Variants in SPAG16 observed in about 807,000 individuals in gnomAD.
SPAG16 encodes sperm associated antigen 16, also known as sperm-associated antigen 16 protein.
A neutral mutation model predicts 80.4 loss-of-function variants in SPAG16; 86 were observed. The ratio of observed to expected loss-of-function variants is 1.07; its 90% CI spans 0.90 to 1.28. The LOEUF is 1.28. Among genes scored for constraint, SPAG16 ranks in the 50% most tolerant of loss-of-function variants. SPAG16 has a pLI of 0.00. For missense variants in SPAG16, 870 were observed against 765.3 expected (o/e 1.14, Z -1.61); for synonymous variants, 294 against 265.9 (o/e 1.11, Z -1.03).
intron 11 of SPAG16, among the ~76,000 whole-genome samples, chr2:213,886,690 GA>G (rs1174007194): frequency 6.6e-6 from 1 of 151,606 alleles, no homozygotes; most frequent in Non-Finnish European, 1.5e-5. Context: ...GCAACAAGTA[GA>G]TCTCAAATGT....
intron 5 of SPAG16, among the ~76,000 whole-genome samples, chr2:213,335,555 T>G (rs1365820003): frequency 2.0e-5 from 3 of 148,966 alleles, no homozygotes; most frequent in African/African-American, 7.3e-5. Context: ...ATTTCTCAAT[T>G]TATGTTGTCA....
intron 10 of SPAG16, among the ~76,000 whole-genome samples, chr2:213,807,885 C>A (rs1256813756): frequency 1.3e-5 from 2 of 152,178 alleles, no homozygotes; most frequent in Non-Finnish European, 2.9e-5. Context: ...TACTGAAAGA[C>A]CTGTCAACTT....
intron 8 of SPAG16, among the ~76,000 whole-genome samples, chr2:213,372,112 C>T (rs1460276986): frequency 6.7e-6 from 1 of 149,680 alleles, no homozygotes; most frequent in African/African-American, 2.4e-5. Context: ...TTTAGTATTA[C>T]ATATTATGAG....
chr2:214,066,726 GA>G (rs1173487202), intron 13 of SPAG16, among the ~76,000 whole-genome samples: 2 of 151,588 alleles, frequency 1.3e-5, no homozygotes, highest in Admixed American at 6.6e-5. Context: ...AGATAGCAAA[GA>G]AAAAAACATA....
At chr2:214,256,037 C>T (rs1021714744) in intron 15 of SPAG16, among the ~76,000 whole-genome samples, 1 of 151,886 alleles carries the variant, frequency 6.6e-6, no homozygotes, top group Non-Finnish European at 1.5e-5. Flanking sequence ...TAACTTTTCT[C>T]ATAATAAGGA....
intron 13 of SPAG16, among the ~76,000 whole-genome samples, chr2:214,015,784 G>T (rs955844134): frequency 6.6e-6 from 1 of 152,092 alleles, no homozygotes; most frequent in Non-Finnish European, 1.5e-5. Flanking sequence ...GTTCCATTCA[G>T]TTGGCTGGGG....
intron 12 of SPAG16, among the ~76,000 whole-genome samples, chr2:213,948,690 T>C (rs2079575042): frequency 6.6e-6 from 1 of 152,204 alleles, no homozygotes; most frequent in Non-Finnish European, 1.5e-5. Context: ...GTCTCTCTCT[T>C]TTAAATTACT....
intron 9 of SPAG16, among the ~76,000 whole-genome samples, chr2:213,379,895 G>A (rs559762757): frequency 6.6e-6 from 1 of 152,176 alleles, no homozygotes; most frequent in African/African-American, 2.4e-5. Flanking sequence ...GACAGGGGTG[G>A]CTGGGGAAAG....
chr2:213,671,739 G>A (rs1431682100), intron 10 of SPAG16, among the ~76,000 whole-genome samples: 2 of 152,114 alleles, frequency 1.3e-5, no homozygotes, highest in Admixed American at 1.3e-4. Context: ...TTATGGCCAG[G>A]GTGCTGCAGG....
chr2:213,619,527 A>G (rs995310754), intron 10 of SPAG16, among the ~76,000 whole-genome samples: 2 of 152,222 alleles, frequency 1.3e-5, no homozygotes, highest in Non-Finnish European at 2.9e-5. Flanking sequence ...ACATTCCTCA[A>G]AAGAAGATAT....
At chr2:213,405,778 T>G (rs532920726) in intron 9 of SPAG16, among the ~76,000 whole-genome samples, 2 of 152,334 alleles carry the variant, frequency 1.3e-5, no homozygotes, top group East Asian at 3.9e-4. Flanking sequence ...GTCCTCCAAT[T>G]CCATCCCTGT....
chr2:214,026,137 C>G (rs137881683), intron 13 of SPAG16, among the ~76,000 whole-genome samples: 1,631 of 151,536 alleles, frequency 0.011, 34 homozygotes, highest in African/African-American at 0.037. Context: ...GAAAAGCTAA[C>G]AGCAAACCAT....
intron 15 of SPAG16, among the ~76,000 whole-genome samples, chr2:214,352,839 A>G (rs1698515418): frequency 6.6e-6 from 1 of 151,760 alleles, no homozygotes; most frequent in Non-Finnish European, 1.5e-5. Context: ...TAACTTTAAC[A>G]TACATTTTAT....
At chr2:213,522,442 C>T (rs904344413) in intron 10 of SPAG16, among the ~76,000 whole-genome samples, 3 of 152,138 alleles carry the variant, frequency 2.0e-5, no homozygotes, top group Non-Finnish European at 2.9e-5. Context: ...GAAGAGAGAA[C>T]TGGGCAGAGG....
In SPAG16 at chr2:214,406,513, C is replaced by A. The variant is rs1380634742; in HGVS notation, c.1721-3627C>A. Among the ~76,000 whole-genome samples, 5 of 152,088 alleles carry A rather than the reference C, an allele frequency of 3.3e-5. No individual in the cohort carries two copies. The East Asian group carries it at 7.7e-4, about 23-fold the overall frequency. The stretch of plus-strand genomic sequence containing the variant: ...TAATGCTTAAATTAGTAAGTATATT[C>A]AAATATTCAAGTTTTTATAACAAAT... On this transcript the variant is annotated intron_variant, in intron 15 of 15. Coordinates refer to ENST00000331683, the MANE Select transcript of SPAG16 (RefSeq NM_024532.5).
Position 213,892,789 on chromosome 2 carries a change from C to G in SPAG16, c.1214+30161C>G, listed in dbSNP as rs181589420. 2.0e-5 allele frequency among the ~76,000 whole-genome samples: 3 copies of G among 152,116 alleles called. No homozygotes were observed. The East Asian group carries it at 5.8e-4, about 29-fold the overall frequency. The stretch of plus-strand genomic sequence containing the variant: ...AAAAAGTCTAAAGACCAAAAAAGAT[C>G]ACCTAAAAGATATAGAAGAGTACCT... On this transcript the variant is annotated intron_variant, in intron 11 of 15. Coordinates refer to ENST00000331683, the MANE Select transcript of SPAG16 (RefSeq NM_024532.5).
intron 15 of SPAG16, among the ~76,000 whole-genome samples, chr2:214,162,644 T>C (rs1231303891): frequency 6.6e-6 from 1 of 152,160 alleles, no homozygotes; most frequent in East Asian, 1.9e-4. Flanking sequence ...CATCATTTTC[T>C]GAATTTTCCT....
At chr2:213,769,272 A>T (rs897346768) in intron 10 of SPAG16, among the ~76,000 whole-genome samples, 1 of 152,162 alleles carries the variant, frequency 6.6e-6, no homozygotes. Flanking sequence ...CCTTTTATAT[A>T]TCAGTGAGTT....
chr2:214,200,607 A>G (rs987959523), intron 15 of SPAG16, among the ~76,000 whole-genome samples: 1 of 152,112 alleles, frequency 6.6e-6, no homozygotes, highest in African/African-American at 2.4e-5. Flanking sequence ...CAGGAGGCAG[A>G]GGTTGCAGTG....
Sources: allele counts gnomAD v4.1 joint callset (sites outside exome capture counted in the v4.1 genomes callset), GRCh38; gene constraint gnomAD v4.1.1; transcripts MANE v1.5; gene names NCBI Gene and HGNC (gene_info 2026-07-23, HGNC 2026-07-21).